The following DOCK3 variants were observed in gnomAD, a reference collection of about 807,000 sequenced individuals.
DOCK3 encodes dedicator of cytokinesis 3.
Under a neutral mutation model 265.6 loss-of-function variants are expected in DOCK3, and 60 were observed. The ratio of observed to expected loss-of-function variants is 0.23; its 90% CI spans 0.18 to 0.28. DOCK3 has a LOEUF of 0.28. DOCK3 is among the 10% of genes least tolerant of loss of function. The probability of loss-of-function intolerance (pLI) is 1.00; values close to 1 mark genes in which losing one functional copy is unlikely to be tolerated. For missense variants in DOCK3, 1,981 were observed against 2,594.3 expected, an observed-to-expected ratio of 0.76 and a Z score of 5.14; for synonymous variants, 881 against 938.0, an observed-to-expected ratio of 0.94 and a Z score of 1.11.
At chr3:50,999,449 A>G (rs997768563) in intron 5 of DOCK3, among the ~76,000 whole-genome samples, 1 of 152,206 alleles carries the variant, frequency 6.6e-6, no homozygotes, top group Non-Finnish European at 1.5e-5. Flanking sequence ...CTCCAAATAG[A>G]AACCTAGTTA....
At chr3:50,813,726 A>G (rs1451909879) in intron 2 of DOCK3, among the ~76,000 whole-genome samples, 1 of 152,176 alleles carries the variant, frequency 6.6e-6, no homozygotes, top group Non-Finnish European at 1.5e-5. Context: ...ATCATGGGAT[A>G]TATTTTACAA....
At chr3:50,937,244 T>C (rs2051419299) in intron 5 of DOCK3, among the ~76,000 whole-genome samples, 1 of 134,912 alleles carries the variant, frequency 7.4e-6, no homozygotes, top group Admixed American at 8.2e-5. Flanking sequence ...GCCATTGCAC[T>C]CCAGCCTGGG....
At chr3:50,979,090 A>G (rs2077594350) in intron 5 of DOCK3, among the ~76,000 whole-genome samples, 1 of 152,122 alleles carries the variant, frequency 6.6e-6, no homozygotes, top group African/African-American at 2.4e-5. Context: ...ATGGAAATGC[A>G]GAAATCACCC....
chr3:50,753,355 T>A (rs2039956092), intron 1 of DOCK3, among the ~76,000 whole-genome samples: 1 of 152,008 alleles, frequency 6.6e-6, no homozygotes, highest in Admixed American at 6.5e-5. Flanking sequence ...ATTTTTCTTT[T>A]TTTTTGAGAC....
intron 35 of DOCK3, among the ~76,000 whole-genome samples, chr3:51,335,499 A>C (rs979459809): frequency 6.6e-6 from 1 of 152,218 alleles, no homozygotes; most frequent in African/African-American, 2.4e-5. Flanking sequence ...ATCATTTGTC[A>C]TTCTGTCTTA....
At chr3:50,786,614 C>T (rs141971412) in intron 2 of DOCK3, 40 of 568,944 alleles carry the variant, frequency 7.0e-5, no homozygotes, top group African/African-American at 1.3e-4. Context: ...GAAAGTTGTC[C>T]GCACTCTGGC....
Position 51,280,108 on chromosome 3 carries a change from C to G in DOCK3, c.2826C>G (p.Gly942=). 1.2e-6 allele frequency: 2 copies of G among 1,613,362 alleles called. No individual in the cohort carries two copies. The highest frequency in any genetic ancestry group is 1.7e-6 in the Non-Finnish European group (2 of 1,179,622). Residue 942 remains glycine, a splice_region_variant and synonymous_variant, in exon 27 of 53, where the codon GGC becomes GGG. Coordinates refer to ENST00000266037, the MANE Select transcript of DOCK3 (RefSeq NM_004947.5). ...TGTTTTTTTGGGTTGGTCCCTAGGG[C>G]GAGTATGTGTCCTGCCTTCTCTCAC... ...RCPQCTAEIT[G]EYVSCLLSLL... is the part of the protein sequence containing the mutation.
chr3:51,261,710 A>T (rs1477011821), intron 23 of DOCK3, among the ~76,000 whole-genome samples: 1 of 152,120 alleles, frequency 6.6e-6, no homozygotes, highest in African/African-American at 2.4e-5. Context: ...GATCTGGGAC[A>T]CTCAAGCTTG....
chr3:50,846,810 GT>G (rs1162907772), intron 3 of DOCK3, among the ~76,000 whole-genome samples: 7 of 152,062 alleles, frequency 4.6e-5, no homozygotes, highest in African/African-American at 1.7e-4. Flanking sequence ...TCTTCTACGT[GT>G]TCCTAATGGT....
At chr3:51,043,279 C>T (rs1360741181) in intron 5 of DOCK3, among the ~76,000 whole-genome samples, 1 of 152,164 alleles carries the variant, frequency 6.6e-6, no homozygotes, top group South Asian at 2.1e-4. Context: ...AGAAATAAGA[C>T]CGCACACCTA....
At chr3:50,875,475 TTCCATACCCA>T (rs1278573367) in intron 3 of DOCK3, among the ~76,000 whole-genome samples, 25 of 152,334 alleles carry the variant, frequency 1.6e-4, no homozygotes, top group South Asian at 6.2e-4. Context: ...GGTAAATTCC[TTCCATACCCA>T]GTTTGTTTAG....
At chr3:50,992,300 AGTTTT>A (rs1023457939) in intron 5 of DOCK3, among the ~76,000 whole-genome samples, 20 of 152,244 alleles carry the variant, frequency 1.3e-4, no homozygotes, top group African/African-American at 4.8e-4. Context: ...TGAATCCAGG[AGTTTT>A]GTTTTGTTTT....
chr3:51,295,907 C>G (rs1482684742), intron 27 of DOCK3, among the ~76,000 whole-genome samples: 2 of 152,184 alleles, frequency 1.3e-5, no homozygotes, highest in African/African-American at 2.4e-5. Context: ...CTGGCACGAT[C>G]ATAGCTCACT....
At chr3:50,705,986 G>A (rs1278159451) in intron 1 of DOCK3, among the ~76,000 whole-genome samples, 4 of 151,682 alleles carry the variant, frequency 2.6e-5, no homozygotes, top group Non-Finnish European at 4.4e-5. Flanking sequence ...AGCCAAGATC[G>A]TACCACTGCA....
chr3:50,793,252 T>C (rs2042583253), intron 2 of DOCK3, among the ~76,000 whole-genome samples: 1 of 152,162 alleles, frequency 6.6e-6, no homozygotes, highest in Non-Finnish European at 1.5e-5. Flanking sequence ...TCAGTGGTAA[T>C]ATCCCCTTTG....
chr3:50,996,375 G>A (rs1310613616), intron 5 of DOCK3, among the ~76,000 whole-genome samples: 1 of 151,410 alleles, frequency 6.6e-6, no homozygotes, highest in African/African-American at 2.4e-5. Flanking sequence ...CTACCACCAC[G>A]CCTGGCTAAT....
At chr3:51,167,505 C>T (rs1346845311) in intron 12 of DOCK3, among the ~76,000 whole-genome samples, 1 of 152,076 alleles carries the variant, frequency 6.6e-6, no homozygotes, top group Non-Finnish European at 1.5e-5. Context: ...AATATTGATA[C>T]AGGCTGCCTT....
At chr3:51,316,721 G>A (rs2083388431) in intron 32 of DOCK3, among the ~76,000 whole-genome samples, 1 of 152,156 alleles carries the variant, frequency 6.6e-6, no homozygotes. Context: ...ATGGTGTTGA[G>A]CATCTTTTCA....
chr3:51,347,898 G>A (rs2110164475), intron 38 of DOCK3, among the ~76,000 whole-genome samples: 1 of 152,238 alleles, frequency 6.6e-6, no homozygotes, highest in East Asian at 1.9e-4. Flanking sequence ...TCTCTTTGAA[G>A]CAATTGTGAA....
Sources: allele counts gnomAD v4.1 joint callset (sites outside exome capture counted in the v4.1 genomes callset), GRCh38; gene constraint gnomAD v4.1.1; transcripts MANE v1.5; gene names NCBI Gene and HGNC (gene_info 2026-07-23, HGNC 2026-07-21).